The following ATP2B4 variants were observed in gnomAD, a reference collection of about 807,000 sequenced individuals.
ATP2B4 encodes the protein plasma membrane calcium-transporting ATPase 4.
A neutral mutation model predicts 110.3 loss-of-function variants in ATP2B4; 39 were observed. The ratio of observed to expected loss-of-function variants is 0.35; its 90% CI spans 0.27 to 0.46. The LOEUF (loss-of-function observed/expected upper bound fraction) is 0.46, where lower values mean the gene tolerates loss of function less well. Ranked by LOEUF, ATP2B4 falls within the 20% of genes least tolerant of loss-of-function variation. The pLI, the probability that ATP2B4 is intolerant of heterozygous loss-of-function variation, is 1.00. For missense variants in ATP2B4, 1,135 were observed against 1,530.9 expected, an observed-to-expected ratio of 0.74 and a Z score of 4.32; for synonymous variants, 538 against 571.7, an observed-to-expected ratio of 0.94 and a Z score of 0.84.
At position 203,704,850 on chromosome 1, in the gene ATP2B4, A is replaced by G. The variant is rs199847153; in HGVS notation, c.1099+1037A>G. On this transcript the variant is annotated intron_variant, in intron 8 of 20. Transcript: ENST00000357681. ...TGTTTACCACAATCATAATCAGCAC[A>G]TCTCTGCACTTTATACAGCTGTATA... 2.0e-5 allele frequency among the ~76,000 whole-genome samples: 3 copies of G among 152,116 alleles called. No homozygotes were observed. In the East Asian group the frequency reaches 5.8e-4, roughly 29 times the overall value.
chr1:203,692,574 C>A (rs1255378394), intron 2 of ATP2B4, among the ~76,000 whole-genome samples: 1 of 152,226 alleles, frequency 6.6e-6, no homozygotes, highest in African/African-American at 2.4e-5. Context: ...AGAGAAAATT[C>A]TCCCTGGTAC....
At position 203,710,866 on chromosome 1, in the gene ATP2B4, C is replaced by T. The variant is rs374604837; in HGVS notation, c.1800-11C>T. 66 of 1,590,482 alleles carry T rather than the reference C, an allele frequency of 4.1e-5. No homozygotes were observed. Among genetic ancestry groups the T allele is most frequent in the Non-Finnish European group, 5.3e-5 (62 of 1,161,114 alleles). ...AGGGAGACACCGCGTTCTTACTGTG[C>T]GCCTCCCCAGGTGTAATCGAATCCT... is the stretch of plus-strand genomic sequence containing the variant. On this transcript the variant is annotated splice_polypyrimidine_tract_variant and intron_variant, in intron 11 of 20. Transcript: ENST00000357681.
chr1:203,729,595 C>A, intron 20 of ATP2B4: 1 of 570,350 alleles, frequency 1.8e-6, no homozygotes, highest in Non-Finnish European at 3.3e-6. Context: ...ACTCACTATG[C>A]ACCTGACTGT....
rs757383565 is a variant in ATP2B4, at chr1:203,709,581, TCTC to T, written c.1799+43_1799+45del. On this transcript the variant is annotated intron_variant, in intron 11 of 20. Coordinates refer to ENST00000357681, the MANE Select transcript of ATP2B4 (RefSeq NM_001684.5). ...ACCACTCTGCTTCCCTTCAAGATCC[TCTC>T]CTCAGGAAGGCATGGGTGCACACCC... 2.5e-6 allele frequency: 4 copies of T among 1,612,042 alleles called. 1 individual carries two copies. The South Asian group carries it at 4.4e-5, about 18-fold the overall frequency.
intron 8 of ATP2B4, among the ~76,000 whole-genome samples, chr1:203,706,785 A>G (rs543010616): frequency 2.9e-4 from 44 of 152,320 alleles, no homozygotes; most frequent in Admixed American, 1.9e-3. Context: ...AAGTTAGTGC[A>G]GTGCTGAGAA....
intron 6 of ATP2B4, 36 bp from the exon 7 acceptor site, chr1:203,702,008 G>A (rs1469453046): frequency 1.9e-6 from 3 of 1,613,546 alleles, no homozygotes; most frequent in African/African-American, 1.3e-5. Context: ...GTTACTTTGG[G>A]TTTCGACCCC....
chr1:203,654,220 G>C (rs1339879590), intron 1 of ATP2B4, among the ~76,000 whole-genome samples: 1 of 151,908 alleles, frequency 6.6e-6, no homozygotes, highest in Admixed American at 6.6e-5. Flanking sequence ...CTGACCTCAG[G>C]TGATCTGCCC....
intron 1 of ATP2B4, among the ~76,000 whole-genome samples, chr1:203,650,160 A>G (rs1663934612): frequency 2.0e-5 from 3 of 152,226 alleles, no homozygotes; most frequent in Admixed American, 2.0e-4. Flanking sequence ...TTTATCAAGC[A>G]TGCCTGCCCC....
intron 1 of ATP2B4, chr1:203,656,847 G>C (rs1331880943): frequency 2.7e-6 from 1 of 376,152 alleles, no homozygotes; most frequent in African/African-American, 2.1e-5. Flanking sequence ...CCATTTTAAT[G>C]TTTACAATGT....
In ATP2B4 at chr1:203,692,848, C is replaced by T. The variant is rs1360399279; in HGVS notation, c.194-5309C>T. Among the ~76,000 whole-genome samples the T allele has an allele frequency of 2.0e-5, 3 of 152,206 alleles. No homozygotes were observed. The East Asian group carries it at 5.8e-4, about 29-fold the overall frequency. ...TTCCACTGCTGTTTATTCTATGTTC[C>T]CACCCAGCCTGGGCAGGGGCCGTGC... is the stretch of plus-strand genomic sequence containing the variant. On this transcript the variant is annotated intron_variant, in intron 2 of 20. Coordinates refer to ENST00000357681, the MANE Select transcript of ATP2B4 (RefSeq NM_001684.5).
chr1:203,721,456 G>T (rs1571763099), intron 17 of ATP2B4, 46 bp downstream of exon 17: 2 of 1,580,928 alleles, frequency 1.3e-6, no homozygotes, highest in Non-Finnish European at 1.7e-6. Context: ...CTGGTTGGAG[G>T]TGGGGGCAGA....
At chr1:203,703,539 G>T (rs754529326) in intron 7 of ATP2B4, 113 bp from the exon 8 acceptor site, 56 of 1,257,824 alleles carry the variant, frequency 4.5e-5, no homozygotes, top group East Asian at 7.0e-5. Context: ...CTGATGTCAG[G>T]GTCCAAGGTA....
In ATP2B4 at chr1:203,725,904, C is replaced by CTTTTTTTTTTTTTTTTTTT. The variant is rs756184004; in HGVS notation, c.3133-1487_3133-1469dup. On this transcript the variant is annotated intron_variant, in intron 19 of 20. Coordinates refer to ENST00000357681, the MANE Select transcript of ATP2B4 (RefSeq NM_001684.5). ...ATTTCTTTTTCTTTTCTTTTCTTTTCTTTTTTTTTTTTTTTTTTTTTTAAG... is the reference window on the plus strand; with the variant it reads ...ATTTCTTTTTCTTTTCTTTTCTTTTCTTTTTTTTTTTTTTTTTTTTTTTTTTTTTTTTTTTTTTTTTAAG... Among the ~76,000 whole-genome samples the CTTTTTTTTTTTTTTTTTTT allele has an allele frequency of 2.1e-4, 20 of 93,380 alleles. 1 individual carries two copies. Among genetic ancestry groups the CTTTTTTTTTTTTTTTTTTT allele is most frequent in the African/African-American group, 3.6e-4 (8 of 22,226 alleles). 61.3% of individuals were successfully genotyped at this position (93,380 alleles called of 152,430 possible). A position where few individuals can be genotyped will look rare whatever the true frequency, so the allele number is the denominator to read the frequency against.
At chr1:203,687,795 C>T (rs1256829345) in intron 2 of ATP2B4, among the ~76,000 whole-genome samples, 1 of 151,872 alleles carries the variant, frequency 6.6e-6, no homozygotes, top group African/African-American at 2.4e-5. Context: ...TTTGGCTGGC[C>T]GCAGTAGCTC....
intron 2 of ATP2B4, among the ~76,000 whole-genome samples, chr1:203,687,269 AAAAGAAAGAAAAGAAAGGAAG>A (rs1403000508): frequency 1.1e-3 from 8 of 7,224 alleles, no homozygotes; most frequent in Non-Finnish European, 7.1e-3. Context: ...AAAAAGAAAG[AAAAGAAAGAAAAGAAAGGAAG>A]AAAGAAAGAA....
Position 203,742,623 on chromosome 1 carries a change from T to A in ATP2B4, c.*2769T>A, listed in dbSNP as rs1477802737. On this transcript the variant is annotated 3_prime_UTR_variant, in exon 21 of 21. Transcript: ENST00000357681. Reference sequence around the variant, plus strand: ...AAACACCCAGCAAGGGACACAGCTGTCAGGAAATGAATCTTCCCCCCAACC... The same window carrying A: ...AAACACCCAGCAAGGGACACAGCTGACAGGAAATGAATCTTCCCCCCAACC... The A allele has an allele frequency of 6.5e-6, 1 of 152,690 alleles. No homozygotes were observed. Among genetic ancestry groups the A allele is most frequent in the Admixed American group, 6.6e-5 (1 of 15,266 alleles). The allele number at this position is 152,690 out of a possible 1,614,324, so 9.5% of individuals were successfully genotyped here. A position where few individuals can be genotyped will look rare whatever the true frequency, so the allele number is the denominator to read the frequency against.
At chr1:203,712,367 T>C (rs1047259617) in intron 13 of ATP2B4, among the ~76,000 whole-genome samples, 1 of 151,658 alleles carries the variant, frequency 6.6e-6, no homozygotes, top group South Asian at 2.1e-4. Context: ...CCACGGCGGG[T>C]GGATCACAAG....
At chr1:203,692,073 G>A (rs1025822062) in intron 2 of ATP2B4, among the ~76,000 whole-genome samples, 2 of 152,034 alleles carry the variant, frequency 1.3e-5, no homozygotes, top group African/African-American at 4.8e-5. Context: ...GTAGAGACGG[G>A]GTTTCACTGT....
chr1:203,733,384 A>G (rs775107292), intron 20 of ATP2B4: 1 of 1,613,740 alleles, frequency 6.2e-7, no homozygotes, highest in Non-Finnish European at 8.5e-7. Context: ...CTGCTGTTTC[A>G]TCTCCTCCTA....
Sources: allele counts gnomAD v4.1 joint callset (sites outside exome capture counted in the v4.1 genomes callset), GRCh38; gene constraint gnomAD v4.1.1; transcripts MANE v1.5; gene names NCBI Gene and HGNC (gene_info 2026-07-23, HGNC 2026-07-21).